The following LNX1 variants were observed in gnomAD, a reference collection of about 807,000 sequenced individuals.
The protein encoded by LNX1 is ligand of numb-protein X 1, also known as E3 ubiquitin-protein ligase LNX.
In LNX1, 54 loss-of-function variants were observed where a neutral mutation model predicts 68.4. The observed-to-expected ratio is 0.79, with a 90% CI of 0.63 to 0.99. The LOEUF is 0.99. Among genes scored for constraint, LNX1 ranks in the 50% least tolerant of loss-of-function variants. LNX1 has a pLI of 0.00. For synonymous variants in LNX1, 336 were observed against 350.0 expected, an observed-to-expected ratio of 0.96 and a Z score of 0.45; for missense variants, 906 against 926.4, an observed-to-expected ratio of 0.98 and a Z score of 0.29.
In LNX1 at chr4:53,507,295, G is replaced by T. The variant is rs1460055114; in HGVS notation, c.775+22C>A. On this transcript the variant is annotated intron_variant, in intron 4 of 10. Coordinates refer to ENST00000263925, the MANE Select transcript of LNX1 (RefSeq NM_001126328.3). ...TGGAAGCCCAGCCCATGTCCATCCA[G>T]CCTTATGGGGAGTTCATTTACCTTC... is the stretch of plus-strand genomic sequence containing the variant. 4 of 1,610,390 alleles carry T rather than the reference G, an allele frequency of 2.5e-6. No individual in the cohort carries two copies. In the Admixed American group the frequency reaches 5.1e-5, roughly 20 times the overall value.
intron 1 of LNX1, among the ~76,000 whole-genome samples, chr4:53,651,673 T>C (rs1444513444): frequency 6.6e-6 from 1 of 152,182 alleles, no homozygotes; most frequent in Non-Finnish European, 1.5e-5. Context: ...TACACACCCG[T>C]GAGCAGGTCA....
At chr4:53,533,457 G>A (rs58887272) in intron 2 of LNX1, among the ~76,000 whole-genome samples, 11,173 of 152,172 alleles carry the variant, frequency 0.073, 741 homozygotes, top group African/African-American at 0.18. Context: ...GGAGTGCAGC[G>A]GTGCGTTCTC....
upstream of LNX1, chr4:53,591,580 G>C: frequency 1.0e-6 from 1 of 985,402 alleles, no homozygotes; most frequent in Non-Finnish European, 1.2e-6. Flanking sequence ...CGGAAGCCCC[G>C]ACAGATAAAG....
At chr4:53,576,236 G>A in intron 1 of LNX1, 1 of 1,607,108 alleles carries the variant, frequency 6.2e-7, no homozygotes, top group South Asian at 1.1e-5. Context: ...CTGCAGCCGA[G>A]GGTCCTGATG....
chr4:53,576,115 C>G (rs1173818112), intron 1 of LNX1: 11 of 1,552,958 alleles, frequency 7.1e-6, no homozygotes, highest in African/African-American at 5.5e-5. Context: ...TGGGAGCCAG[C>G]GGCCCCTCCT....
At chr4:53,508,651 G>A (rs1726101604) in intron 2 of LNX1, among the ~76,000 whole-genome samples, 1 of 152,158 alleles carries the variant, frequency 6.6e-6, no homozygotes, top group Admixed American at 6.5e-5. Flanking sequence ...AGCACTGAAC[G>A]TAAATATAAA....
intron 7 of LNX1, 27 bp from the exon 8 acceptor site, chr4:53,478,769 C>T (rs1723733372): frequency 6.3e-7 from 1 of 1,593,382 alleles, no homozygotes; most frequent in Non-Finnish European, 8.6e-7. Flanking sequence ...AAAAACATGG[C>T]ACATGAATTC....
intron 4 of LNX1, among the ~76,000 whole-genome samples, chr4:53,506,701 C>CA (rs1725896478): frequency 1.3e-5 from 2 of 151,352 alleles, no homozygotes; most frequent in African/African-American, 4.9e-5. Context: ...CTAAAAAATA[C>CA]AAAAAATAGC....
At chr4:53,567,560 A>G (rs1730788986) in intron 2 of LNX1, among the ~76,000 whole-genome samples, 1 of 152,204 alleles carries the variant, frequency 6.6e-6, no homozygotes. Context: ...TCTAAAATTG[A>G]CACCCTAACA....
rs116118081 is a variant in LNX1 at position 53,515,200 on chromosome 4, C to G, written c.381-6973G>C. Among the ~76,000 whole-genome samples the G allele has an allele frequency of 2.9e-3, 437 of 152,296 alleles. 5 individuals are homozygous for G. The highest frequency in any genetic ancestry group is 0.01 in the African/African-American group (428 of 41,564). On this transcript the variant is annotated intron_variant, in intron 2 of 10. Transcript: ENST00000263925. ...CATTAGTGCCAGAGAAGTGTTGGCT[C>G]ATGGAGTCCCACATCACTTAAGGCC... is the stretch of plus-strand genomic sequence containing the variant.
At chr4:53,638,840 T>G (rs1734574668) in intron 1 of LNX1, among the ~76,000 whole-genome samples, 1 of 152,126 alleles carries the variant, frequency 6.6e-6, no homozygotes, top group South Asian at 2.1e-4. Context: ...AAACAACAGA[T>G]GTTAGCAAAG....
chr4:53,545,760 A>G (rs2898981), intron 2 of LNX1, among the ~76,000 whole-genome samples: 24,382 of 150,238 alleles, frequency 0.16, 2,371 homozygotes, highest in South Asian at 0.34. Flanking sequence ...GTCAGTGATG[A>G]GCCAGGATTT....
At chr4:53,599,387 A>C (rs1180375358) in intron 2 of LNX1, among the ~76,000 whole-genome samples, 1 of 152,222 alleles carries the variant, frequency 6.6e-6, no homozygotes, top group Non-Finnish European at 1.5e-5. Flanking sequence ...CCACGGCAAC[A>C]TCAGGAAGTT....
intron 2 of LNX1, among the ~76,000 whole-genome samples, chr4:53,549,051 A>G (rs1001247866): frequency 3.3e-5 from 5 of 152,214 alleles, no homozygotes; most frequent in African/African-American, 1.2e-4. Flanking sequence ...AGGAACAGAA[A>G]GGATAACTAT....
chr4:53,533,362 A>G (rs1728147760), intron 2 of LNX1, among the ~76,000 whole-genome samples: 1 of 152,202 alleles, frequency 6.6e-6, no homozygotes, highest in African/African-American at 2.4e-5. Context: ...ATTCTTAATC[A>G]GGGGCAATTT....
chr4:53,625,758 G>A (rs745360060), intron 1 of LNX1, among the ~76,000 whole-genome samples: 1 of 152,076 alleles, frequency 6.6e-6, no homozygotes, highest in Non-Finnish European at 1.5e-5. Context: ...AGTAAGCCAC[G>A]ACTGCATCAC....
chr4:53,567,019 G>T (rs1730746178), intron 2 of LNX1, among the ~76,000 whole-genome samples: 1 of 151,002 alleles, frequency 6.6e-6, no homozygotes, highest in Non-Finnish European at 1.5e-5. Flanking sequence ...CCTGCAAAGA[G>T]ACTTAGACTC....
At chr4:53,486,858 T>A (rs1291072327) in intron 6 of LNX1, among the ~76,000 whole-genome samples, 1 of 152,066 alleles carries the variant, frequency 6.6e-6, no homozygotes, top group Non-Finnish European at 1.5e-5. Flanking sequence ...GCACATGGCA[T>A]CTTTCTACTG....
chr4:53,474,253 T>C (rs1723420006), intron 9 of LNX1, among the ~76,000 whole-genome samples: 1 of 152,228 alleles, frequency 6.6e-6, no homozygotes, highest in Non-Finnish European at 1.5e-5. Flanking sequence ...GGAGTGTATA[T>C]GCTACCATTG....
Sources: allele counts gnomAD v4.1 joint callset (sites outside exome capture counted in the v4.1 genomes callset), GRCh38; gene constraint gnomAD v4.1.1; transcripts MANE v1.5; gene names NCBI Gene and HGNC (gene_info 2026-07-23, HGNC 2026-07-21).